The following ZNF462 variants were observed in gnomAD, a reference collection of about 807,000 sequenced individuals.
ZNF462 encodes zinc finger protein 462.
In ZNF462, 10 loss-of-function variants were observed where a neutral mutation model predicts 201.9. That is an observed-to-expected ratio of 0.05 (90% CI 0.03 to 0.08). ZNF462 has a LOEUF of 0.08. Ranked by LOEUF, ZNF462 falls within the 10% of genes least tolerant of loss-of-function variation. The pLI, the probability that ZNF462 is intolerant of heterozygous loss-of-function variation, is 1.00. For missense variants in ZNF462, 2,523 were observed against 3,168.3 expected (o/e 0.80, Z 4.89); for synonymous variants, 1,227 against 1,193.3 (o/e 1.03, Z -0.58).
At chr9:106,975,199 T>G (rs1198683927) in intron 9 of ZNF462, 1 of 152,228 alleles carries the variant, frequency 6.6e-6, no homozygotes, top group African/African-American at 2.4e-5. Flanking sequence ...ATCTACTTCA[T>G]TCTTTCTCTC....
In ZNF462 at chr9:106,913,501, G is replaced by A. The variant is rs899101123; in HGVS notation, c.-30-9853G>A. 2.6e-5 allele frequency among the ~76,000 whole-genome samples: 4 copies of A among 152,074 alleles called. No homozygotes were observed. The highest frequency in any genetic ancestry group is 7.2e-5 in the African/African-American group (3 of 41,382). ...TGAAGAGTGACTTATAGTAGCCTGG[G>A]GCCCTGTCACTTTGAAAGAAGATGA... On this transcript the variant is annotated intron_variant, in intron 1 of 12. Coordinates refer to ENST00000277225, the MANE Select transcript of ZNF462 (RefSeq NM_021224.6). The surrounding 1 kb of genome is among the most constrained non-coding windows in gnomAD (Gnocchi z 4.1).
chr9:106,976,623 C>T (rs1827020363), intron 9 of ZNF462: 1 of 152,152 alleles, frequency 6.6e-6, no homozygotes, highest in South Asian at 2.1e-4. Context: ...GGATCATTTT[C>T]AGAGTCCTTA....
Position 106,906,168 on chromosome 9 carries a change from A to G in ZNF462, c.-30-17186A>G, listed in dbSNP as rs922471941. 5.3e-5 allele frequency among the ~76,000 whole-genome samples: 8 copies of G among 152,130 alleles called. No individual in the cohort carries two copies. The South Asian group carries it at 8.3e-4, about 16-fold the overall frequency. On this transcript the variant is annotated intron_variant, in intron 1 of 12. Transcript: ENST00000277225. ...CTGCAAACAGACCTTCAGCTTCTCC[A>G]GTGGGGGGTGTGTGTTTGGGAGAGG...
chr9:106,952,327 T>C (rs1356779598), intron 7 of ZNF462, among the ~76,000 whole-genome samples: 1 of 152,234 alleles, frequency 6.6e-6, no homozygotes, highest in Non-Finnish European at 1.5e-5. Context: ...GGAAGTACTT[T>C]CATATTCTAA....
Position 106,972,789 on chromosome 9 carries a change from G to T in ZNF462, c.6695+517G>T, listed in dbSNP as rs1826696183. On this transcript the variant is annotated intron_variant, in intron 8 of 12. Transcript: ENST00000277225. The surrounding 1 kb of genome is among the most constrained non-coding windows in gnomAD (Gnocchi z 4.8). ...ACACTTGAGCAATCATAGGGAGATT[G>T]CTCCAGTCTAGAAAAAGAGAATCCA... Among the ~76,000 whole-genome samples, 1 of 152,152 alleles carries T rather than the reference G, an allele frequency of 6.6e-6. No individual in the cohort carries two copies. The highest frequency in any genetic ancestry group is 6.5e-5 in the Admixed American group (1 of 15,284).
chr9:106,995,889 A>G (rs1220918038), intron 10 of ZNF462, among the ~76,000 whole-genome samples: 1 of 152,156 alleles, frequency 6.6e-6, no homozygotes, highest in Admixed American at 6.6e-5. Context: ...ATAGGTATGC[A>G]TGTGCCATGT....
intron 10 of ZNF462, among the ~76,000 whole-genome samples, chr9:106,986,050 C>T (rs12380753): frequency 3.9e-5 from 6 of 152,252 alleles, no homozygotes; most frequent in East Asian, 1.9e-4. Flanking sequence ...ATCTTATTTA[C>T]GTAACTACCT....
At chr9:106,921,275 T>A (rs527382427) in intron 1 of ZNF462, among the ~76,000 whole-genome samples, 2 of 152,234 alleles carry the variant, frequency 1.3e-5, no homozygotes, top group Non-Finnish European at 2.9e-5. Flanking sequence ...AGCATATCAA[T>A]CATGGAATAA....
intron 7 of ZNF462, among the ~76,000 whole-genome samples, chr9:106,957,100 A>T (rs1412552459): frequency 6.6e-6 from 1 of 152,158 alleles, no homozygotes; most frequent in Non-Finnish European, 1.5e-5. Flanking sequence ...ATCGTGTCTC[A>T]GCTTTCAGCA....
Position 106,974,320 on chromosome 9 carries a change from G to A in ZNF462, c.6832+47G>A, listed in dbSNP as rs1353813487. On this transcript the variant is annotated intron_variant, in intron 9 of 12. Transcript: ENST00000277225. The surrounding 1 kb of genome is among the most constrained non-coding windows in gnomAD (Gnocchi z 4.0). ...TCTTGGATGCAGCGGGGGGCAGGCA[G>A]CAGAGATGGCCTTCTAGGGATGCTC... 6.2e-7 allele frequency: 1 copy of A among 1,613,678 alleles called. No homozygotes were observed. The highest frequency in any genetic ancestry group is 1.1e-5 in the South Asian group (1 of 91,068).
In ZNF462 at chr9:106,883,111, T is replaced by G. The variant is rs1336710608; in HGVS notation, c.-31+19756T>G. On this transcript the variant is annotated intron_variant, in intron 1 of 12. Transcript: ENST00000277225. This position sits in a 1 kb window ranked among gnomAD's most constrained non-coding sequence, Gnocchi z 4.9. ...CTATGTGCAGAAGCCTTCTAGGTAT[T>G]AGGTGACCTTGCAGTATTAAAGAAA... is the stretch of plus-strand genomic sequence containing the variant. 6.6e-6 allele frequency among the ~76,000 whole-genome samples: 1 copy of G among 152,192 alleles called. No homozygotes were observed. Among genetic ancestry groups the G allele is most frequent in the Non-Finnish European group, 1.5e-5 (1 of 68,036 alleles).
chr9:106,910,514 G>C (rs1829506120), intron 1 of ZNF462, among the ~76,000 whole-genome samples: 1 of 151,936 alleles, frequency 6.6e-6, no homozygotes, highest in Admixed American at 6.6e-5. Flanking sequence ...CTGAGTTTGT[G>C]TCTTGATGGC....
chr9:106,941,235 G>A (rs1830856143), intron 7 of ZNF462, among the ~76,000 whole-genome samples: 1 of 152,144 alleles, frequency 6.6e-6, no homozygotes, highest in Admixed American at 6.5e-5. Flanking sequence ...TACTATGCAC[G>A]GAAGAATCAG....
At chr9:106,863,962 C>T (rs888961419) in intron 1 of ZNF462, among the ~76,000 whole-genome samples, 1 of 151,690 alleles carries the variant, frequency 6.6e-6, no homozygotes, top group Non-Finnish European at 1.5e-5. Context: ...TCCTTCCTTT[C>T]CCCCTTCTGT....
rs1381526235 is a variant in ZNF462 at position 107,006,526 on chromosome 9, A to G, written c.7190-3019A>G. 5.3e-5 allele frequency among the ~76,000 whole-genome samples: 8 copies of G among 152,148 alleles called. No homozygotes were observed. Among genetic ancestry groups the G allele is most frequent in the African/African-American group, 1.9e-4 (8 of 41,460 alleles). ...ACCTGACCCTGAAATCTGTGGATTC[A>G]GTGGCCCTTGGGACCTTGCTGTAAG... On this transcript the variant is annotated intron_variant, in intron 11 of 12. Transcript: ENST00000277225. This position sits in a 1 kb window ranked among gnomAD's most constrained non-coding sequence, Gnocchi z 4.3.
At chr9:106,915,699 C>T (rs926451239) in intron 1 of ZNF462, among the ~76,000 whole-genome samples, 7 of 152,108 alleles carry the variant, frequency 4.6e-5, no homozygotes, top group Admixed American at 1.3e-4. Context: ...AAGAGGAAAA[C>T]AAAAAATCAC....
intron 1 of ZNF462, among the ~76,000 whole-genome samples, chr9:106,910,894 C>T (rs895179615): frequency 6.6e-6 from 1 of 152,040 alleles, no homozygotes; most frequent in African/African-American, 2.4e-5. Context: ...AGCTTTAGGG[C>T]AACAATCAAA....
At chr9:106,957,283 G>A (rs917173983) in intron 7 of ZNF462, among the ~76,000 whole-genome samples, 1 of 152,070 alleles carries the variant, frequency 6.6e-6, no homozygotes, top group Non-Finnish European at 1.5e-5. Flanking sequence ...GGAAGCAGAT[G>A]GGGGAAATGG....
Position 106,864,104 on chromosome 9 carries a change from CT to C in ZNF462, c.-31+750del, listed in dbSNP as rs1564062831. Among the ~76,000 whole-genome samples, 94 of 122,538 alleles carry C rather than the reference CT, an allele frequency of 7.7e-4. 7 individuals carry two copies. Among genetic ancestry groups the C allele is most frequent in the Middle Eastern group, 4.0e-3 (1 of 248 alleles). The allele number at this position is 122,538 out of a possible 152,430, so 80.4% of individuals were successfully genotyped here. The stretch of plus-strand genomic sequence containing the variant: ...TCTCTCTCTCTCTCTCTCTCTCTCT[CT>C]CTCTCCCTCTCCCCGAAGTTGGGAT... On this transcript the variant is annotated intron_variant, in intron 1 of 12. Transcript: ENST00000277225.
Sources: allele counts gnomAD v4.1 joint callset (sites outside exome capture counted in the v4.1 genomes callset), GRCh38; gene constraint gnomAD v4.1.1; non-coding constraint Gnocchi (gnomAD v3.1); transcripts MANE v1.5; gene names NCBI Gene and HGNC (gene_info 2026-07-23, HGNC 2026-07-21).